SLC36A4: variants seen among roughly 807,000 people sequenced by gnomAD.
SLC36A4 encodes the protein solute carrier family 36 member 4, also known as neutral amino acid uniporter 4.
Under a neutral mutation model 50.5 loss-of-function variants are expected in SLC36A4, and 49 were observed. The ratio of observed to expected loss-of-function variants is 0.97; its 90% CI spans 0.77 to 1.23. SLC36A4 has a LOEUF of 1.23. SLC36A4 is among the 50% of genes most tolerant of loss of function. The pLI, the probability that SLC36A4 is intolerant of heterozygous loss-of-function variation, is 0.00. For synonymous variants in SLC36A4, 207 were observed against 206.5 expected (o/e 1.00, Z -0.02); for missense variants, 611 against 608.4 (o/e 1.00, Z -0.05).
At chr11:93,160,671 T>C (rs1054946241) in intron 9 of SLC36A4, 3 of 985,382 alleles carry the variant, frequency 3.0e-6, no homozygotes, top group Non-Finnish European at 3.6e-6. Flanking sequence ...TGTGAATGTG[T>C]GCACACTCCC....
rs1565211798 is a variant in SLC36A4, at chr11:93,148,285, AT to A, written c.*251del. 3.4e-6 allele frequency: 1 copy of A among 297,632 alleles called. No individual in the cohort carries two copies. Among genetic ancestry groups the A allele is most frequent in the South Asian group, 5.5e-5 (1 of 18,342 alleles). 18.4% of individuals were successfully genotyped at this position (297,632 alleles called of 1,614,324 possible). A position where few individuals can be genotyped will look rare whatever the true frequency, so the allele number is the denominator to read the frequency against. On this transcript the variant is annotated 3_prime_UTR_variant, in exon 11 of 11. Coordinates refer to ENST00000326402, the MANE Select transcript of SLC36A4 (RefSeq NM_152313.4). ...ATAATAGAAGTATTTTTATTCTTTA[AT>A]TTTTTTACATTTTAATTTTTTCAAT...
chr11:93,178,298 T>C (rs1861582636), intron 6 of SLC36A4, among the ~76,000 whole-genome samples: 1 of 152,152 alleles, frequency 6.6e-6, no homozygotes, highest in South Asian at 2.1e-4. Context: ...CCATCTGTCA[T>C]GGCTTCCCTT....
At chr11:93,168,924 T>G (rs1298648793) in intron 6 of SLC36A4, among the ~76,000 whole-genome samples, 1 of 152,084 alleles carries the variant, frequency 6.6e-6, no homozygotes, top group Non-Finnish European at 1.5e-5. Flanking sequence ...TCTGATCCAA[T>G]TAATCACATA....
intron 9 of SLC36A4, chr11:93,160,607 C>A (rs1384089309): frequency 1.9e-5 from 19 of 985,208 alleles, no homozygotes; most frequent in Non-Finnish European, 2.3e-5. Context: ...GTCTTATTCT[C>A]GCCCACTATT....
chr11:93,164,056 C>T (rs1403451790), intron 8 of SLC36A4, among the ~76,000 whole-genome samples: 1 of 152,098 alleles, frequency 6.6e-6, no homozygotes, highest in African/African-American at 2.4e-5. Flanking sequence ...CTCCAAAGAA[C>T]TTTGATTCTC....
At chr11:93,157,098 C>T (rs540155421) in intron 9 of SLC36A4, among the ~76,000 whole-genome samples, 8 of 152,120 alleles carry the variant, frequency 5.3e-5, no homozygotes, top group South Asian at 2.1e-4. Flanking sequence ...TATTGAATAG[C>T]GAATCCTTTC....
intron 9 of SLC36A4, among the ~76,000 whole-genome samples, chr11:93,156,228 T>C (rs1199712565): frequency 6.6e-6 from 1 of 152,164 alleles, no homozygotes; most frequent in Non-Finnish European, 1.5e-5. Flanking sequence ...TTTTTCTCCA[T>C]AAGCTCACTA....
In SLC36A4 at chr11:93,168,099, T is replaced by C. The variant is rs764952824; in HGVS notation, c.613A>G (p.Arg205Gly). Residue 205 changes from arginine to glycine, a missense_variant, in exon 7 of 11, where the codon AGA becomes GGA. Arg to Gly is a moderately radical substitution (Grantham distance 125). Coordinates refer to ENST00000326402, the MANE Select transcript of SLC36A4 (RefSeq NM_152313.4). ...STNSSNPCER[R>G]SVDLRIYMLC... ...ATATATATCCTTAGGTCAACACTTCTTCTCTCACAAGGGTTTGATGAATTG... is the reference window on the plus strand; with the variant it reads ...ATATATATCCTTAGGTCAACACTTCCTCTCTCACAAGGGTTTGATGAATTG... 2 of 1,612,670 alleles carry C rather than the reference T, an allele frequency of 1.2e-6. No homozygotes were observed. Among genetic ancestry groups the C allele is most frequent in the East Asian group, 2.2e-5 (1 of 44,788 alleles).
At chr11:93,168,491 T>C (rs1860986865) in intron 6 of SLC36A4, among the ~76,000 whole-genome samples, 1 of 152,070 alleles carries the variant, frequency 6.6e-6, no homozygotes. Context: ...ATGCTCATGA[T>C]ACCTCCAAAG....
rs1421454771 is a variant in SLC36A4, at chr11:93,173,131, T to C, written c.541-4960A>G. On this transcript the variant is annotated intron_variant, in intron 6 of 10. Transcript: ENST00000326402. ...TGTTGTTTCCTGACTTTTTAATGAT[T>C]GCCATTCTAACTGGTGTGAGATGGT... 1.4e-4 allele frequency among the ~76,000 whole-genome samples: 18 copies of C among 131,450 alleles called. No homozygotes were observed. In the South Asian group the frequency reaches 3.0e-3, roughly 22 times the overall value. 86.2% of individuals were successfully genotyped at this position (131,450 alleles called of 152,430 possible).
intron 8 of SLC36A4, among the ~76,000 whole-genome samples, chr11:93,163,227 T>C (rs1010077792): frequency 6.6e-6 from 1 of 152,214 alleles, no homozygotes; most frequent in African/African-American, 2.4e-5. Flanking sequence ...TATATTACGA[T>C]AGTACATTTG....
intron 9 of SLC36A4, chr11:93,160,452 A>G: frequency 1.0e-6 from 1 of 985,422 alleles, no homozygotes; most frequent in Non-Finnish European, 1.2e-6. Flanking sequence ...AGTCTCAACT[A>G]GTTCCATTCT....
intron 10 of SLC36A4, among the ~76,000 whole-genome samples, chr11:93,149,862 T>G (rs1237531498): frequency 6.6e-6 from 1 of 152,022 alleles, no homozygotes; most frequent in African/African-American, 2.4e-5. Context: ...TTTTAATAAC[T>G]GTACTGTGAT....
chr11:93,171,896 A>G (rs1282556902), intron 6 of SLC36A4: 1 of 152,156 alleles, frequency 6.6e-6, no homozygotes, highest in African/African-American at 2.4e-5. Flanking sequence ...TATTTTGATA[A>G]ACAAAAGAAT....
chr11:93,180,980 C>A, intron 5 of SLC36A4, 99 bp from the exon 6 acceptor site: 47 of 794,576 alleles, frequency 5.9e-5, no homozygotes, highest in East Asian at 1.4e-4. Context: ...TTTATTATAG[C>A]ATATATTCTC....
At chr11:93,180,047 T>C (rs1368952202) in intron 6 of SLC36A4, 2 of 932,764 alleles carry the variant, frequency 2.1e-6, no homozygotes, top group East Asian at 2.3e-4. Context: ...TGCATAAAAA[T>C]ATCTACAAGA....
At chr11:93,165,424 T>A (rs943616980) in intron 8 of SLC36A4, among the ~76,000 whole-genome samples, 2 of 152,176 alleles carry the variant, frequency 1.3e-5, no homozygotes, top group African/African-American at 4.8e-5. Flanking sequence ...TTCATAAAAC[T>A]ATAGGGAGAA....
intron 6 of SLC36A4, 130 bp downstream of exon 6, chr11:93,180,667 T>C: frequency 1.4e-6 from 1 of 727,966 alleles, no homozygotes; most frequent in South Asian, 1.7e-5. Context: ...TAAAGGAAAA[T>C]TTATAAAGGA....
intron 6 of SLC36A4, among the ~76,000 whole-genome samples, chr11:93,176,318 CT>C (rs1430571004): frequency 6.6e-6 from 1 of 150,772 alleles, no homozygotes; most frequent in Admixed American, 6.6e-5. Flanking sequence ...TTCCTCCATC[CT>C]TTTATTTTGA....
Sources: gnomAD v4.1 joint callset for allele counts (sites outside exome capture counted in the v4.1 genomes callset) on GRCh38, gnomAD v4.1.1 for gene constraint, MANE v1.5 for transcripts, NCBI Gene and HGNC (gene_info 2026-07-23, HGNC 2026-07-21) for gene names.